The following SPG7 variants were observed in gnomAD, a reference collection of about 807,000 sequenced individuals.
SPG7 encodes the protein SPG7 matrix AAA peptidase subunit, paraplegin.
In SPG7, 103 loss-of-function variants were observed where a neutral mutation model predicts 81.9. That is an observed-to-expected ratio of 1.26 (90% CI 1.07 to 1.48). SPG7 has a LOEUF of 1.48. SPG7 is among the 40% of genes most tolerant of loss of function. The pLI is 0.00. For synonymous variants in SPG7, 534 were observed against 444.2 expected, an observed-to-expected ratio of 1.20 and a Z score of -2.54; for missense variants, 1,241 against 1,087.3, an observed-to-expected ratio of 1.14 and a Z score of -1.99.
In SPG7 at chr16:89,532,513, G is replaced by C; in HGVS notation, c.1201G>C (p.Ala401Pro). The C allele has an allele frequency of 6.2e-7, 1 of 1,613,664 alleles. No homozygotes were observed. ...RSLFKEARARAPCIVYIDEID... is the reference protein window; with the variant it reads ...RSLFKEARARPPCIVYIDEID... ...CCTCTTTAAGGAAGCCCGAGCCCGG[G>C]CCCCCTGCATCGTCTACATCGATGA... The change falls in exon 9 of 17, where the codon GCC (alanine) becomes CCC (proline). Residue 401 changes from alanine to proline, a missense_variant. Transcript: ENST00000645818.
intron 9 of SPG7, chr16:89,540,682 C>A: frequency 6.3e-6 from 1 of 159,660 alleles, no homozygotes; most frequent in Non-Finnish European, 1.3e-5. Context: ...GGGGGTGTGA[C>A]GTGGTGCAGC....
chr16:89,545,852 A>T (rs1597655501), intron 10 of SPG7: 1 of 416,346 alleles, frequency 2.4e-6, no homozygotes, highest in Admixed American at 2.9e-5. Context: ...TTTCTTTTTA[A>T]TTTTTCTTTC....
At chr16:89,554,928 T>C (rs1414738579) in intron 16 of SPG7, 2 of 278,438 alleles carry the variant, frequency 7.2e-6, no homozygotes, top group African/African-American at 4.5e-5. Context: ...TTTTCTTTTT[T>C]TTTTTGAGAC....
chr16:89,529,137 T>C, intron 5 of SPG7: 1 of 372,952 alleles, frequency 2.7e-6, no homozygotes, highest in Non-Finnish European at 5.2e-6. Flanking sequence ...ACTCTTAGGC[T>C]GATCTTGCCT....
Position 89,553,055 on chromosome 16 carries a change from A to G in SPG7, c.1856A>G (p.Lys619Arg). The G allele has an allele frequency of 1.2e-6, 2 of 1,614,012 alleles. No individual in the cohort carries two copies. Among genetic ancestry groups the G allele is most frequent in the Non-Finnish European group, 1.7e-6 (2 of 1,179,990 alleles). The change falls in exon 14 of 17, where the codon AAG (lysine) becomes AGG (arginine). Residue 619 changes from lysine (K) to arginine (R), a missense_variant. Lys to Arg is a conservative substitution (Grantham distance 26). Transcript: ENST00000645818. ...MLPRDQHLFT[K>R]EQLFERMCMA... Reference sequence around the variant, plus strand: ...CCCAGAGACCAGCACCTCTTCACCAAGGAGCAGCTGTTTGAGCGGATGTGC... The same window carrying G: ...CCCAGAGACCAGCACCTCTTCACCAGGGAGCAGCTGTTTGAGCGGATGTGC...
At chr16:89,508,742 A>C (rs771464559) in intron 1 of SPG7, 142 bp downstream of exon 1, 1 of 943,936 alleles carries the variant, frequency 1.1e-6, no homozygotes, top group South Asian at 1.4e-5. Context: ...CCAGCTGTGG[A>C]CCTCGGCGCG....
At chr16:89,531,314 G>C (rs1015713937) in intron 7 of SPG7, 9 of 238,118 alleles carry the variant, frequency 3.8e-5, no homozygotes, top group Non-Finnish European at 5.9e-5. Flanking sequence ...ACTGAGCCCA[G>C]GAGTAGGAGA....
chr16:89,520,410 T>A (rs1343110726), intron 3 of SPG7: 1 of 188,724 alleles, frequency 5.3e-6, no homozygotes, highest in African/African-American at 2.4e-5. Flanking sequence ...GTTTGTTTGT[T>A]TTGAGATGGA....
chr16:89,555,069 A>C, intron 16 of SPG7: 1 of 160,596 alleles, frequency 6.2e-6, no homozygotes, highest in Non-Finnish European at 1.3e-5. Flanking sequence ...GCATGCACCA[A>C]CACACTCGGC....
intron 12 of SPG7, chr16:89,549,747 G>T (rs2377056): frequency 0.13 from 21,292 of 164,966 alleles, 1,749 homozygotes; most frequent in Non-Finnish European, 0.18. Context: ...AGAAAGTGAT[G>T]GGGATGGGAG....
At chr16:89,546,925 C>T (rs1215990504) in intron 11 of SPG7, 165 bp downstream of exon 11, 1 of 650,856 alleles carries the variant, frequency 1.5e-6, no homozygotes, top group African/African-American at 1.8e-5. Flanking sequence ...TGTGGGGCAG[C>T]AGGAGGTCCA....
chr16:89,550,477 C>T lies in SPG7; in HGVS notation c.1664-17C>T, dbSNP rs200247575. On this transcript the variant is annotated splice_polypyrimidine_tract_variant and intron_variant, in intron 12 of 16. Coordinates refer to ENST00000645818, the MANE Select transcript of SPG7 (RefSeq NM_003119.4). ...CGTGAGCCACCGCGCCCAACTCATA[C>T]CCCGGCATTCTTTCAGGGACTGCCA... 134 of 1,587,372 alleles carry T rather than the reference C, an allele frequency of 8.4e-5. 1 individual carries two copies. The East Asian group carries it at 2.9e-3, about 35-fold the overall frequency.
At chr16:89,513,634 G>A (rs1245478560) in intron 3 of SPG7, among the ~76,000 whole-genome samples, 1 of 152,250 alleles carries the variant, frequency 6.6e-6, no homozygotes, top group Non-Finnish European at 1.5e-5. Context: ...AGGAGTTGGA[G>A]GAGCTTGAGC....
intron 2 of SPG7, among the ~76,000 whole-genome samples, chr16:89,512,429 C>T (rs2058035451): frequency 6.6e-6 from 1 of 152,178 alleles, no homozygotes; most frequent in Non-Finnish European, 1.5e-5. Flanking sequence ...AATTCTGCCT[C>T]AGCCTCCCAA....
Position 89,557,070 on chromosome 16 carries a change from G to T in SPG7, c.2365G>T (p.Glu789Ter), listed in dbSNP as rs372033226. ...GACCCAGCAGCCTCCACTTGGAGGC[G>T]AAGAGCCGACTTGGCCCAAGTAGTT... ...EETQQPPLGG[E>*]EPTWPK is the part of the protein sequence containing the mutation. The change falls in exon 17 of 17, where the codon GAA (glutamate) becomes TAA (stop). Residue 789 changes from glutamate to a stop codon, truncating the protein, a stop_gained. Transcript: ENST00000645818. LOFTEE classifies it high-confidence loss of function. 8 of 1,611,782 alleles carry T rather than the reference G, an allele frequency of 5.0e-6. No individual in the cohort carries two copies. The African/African-American group carries it at 9.3e-5, about 19-fold the overall frequency.
chr16:89,548,930 TC>T (rs1295028746), intron 12 of SPG7: 2 of 454,058 alleles, frequency 4.4e-6, no homozygotes, highest in Non-Finnish European at 8.8e-6. Context: ...AGAACCGAGT[TC>T]CTCACCCTCA....
chr16:89,531,459 C>T (rs1279029913), intron 7 of SPG7: 5 of 214,610 alleles, frequency 2.3e-5, no homozygotes, highest in Non-Finnish European at 3.8e-5. Flanking sequence ...CTACAACCTC[C>T]ACCTCCCCAG....
chr16:89,522,320 C>A (rs1392177079), intron 3 of SPG7: 1 of 152,246 alleles, frequency 6.6e-6, no homozygotes, highest in Non-Finnish European at 1.5e-5. Flanking sequence ...GAAGGTGGTA[C>A]ATGGGACGTG....
At chr16:89,552,526 G>A (rs562486097) in intron 13 of SPG7, 63 of 216,036 alleles carry the variant, frequency 2.9e-4, no homozygotes, top group African/African-American at 1.1e-3. Flanking sequence ...GTTGCCCCGC[G>A]CCACCTCCTT....
Sources: gnomAD v4.1 joint callset for allele counts (sites outside exome capture counted in the v4.1 genomes callset) on GRCh38, gnomAD v4.1.1 for gene constraint, MANE v1.5 for transcripts, NCBI Gene and HGNC (gene_info 2026-07-23, HGNC 2026-07-21) for gene names.